ADGRA3: variants seen among roughly 807,000 people sequenced by gnomAD.
ADGRA3 encodes G-protein coupled receptor 125.
A neutral mutation model predicts 119.8 loss-of-function variants in ADGRA3; 56 were observed. The ratio of observed to expected loss-of-function variants is 0.47; its 90% confidence interval spans 0.38 to 0.58. The LOEUF (loss-of-function observed/expected upper bound fraction) is 0.58. ADGRA3 is among the 20% of genes least tolerant of loss of function. The probability of loss-of-function intolerance (pLI) is 0.00; values close to 1 mark genes in which losing one functional copy is unlikely to be tolerated. For synonymous variants in ADGRA3, 607 were observed against 623.8 expected (o/e 0.97, Z 0.40); for missense variants, 1,516 against 1,649.0 (o/e 0.92, Z 1.40).
chr4:22,403,671 G>C (rs1223673564), intron 14 of ADGRA3, among the ~76,000 whole-genome samples: 1 of 152,024 alleles, frequency 6.6e-6, no homozygotes, highest in Non-Finnish European at 1.5e-5. Context: ...GAGTCCAGGA[G>C]GTCAAGGCTG....
chr4:22,409,057 T>C (rs1468202453), intron 14 of ADGRA3, among the ~76,000 whole-genome samples: 15 of 152,148 alleles, frequency 9.9e-5, no homozygotes, highest in African/African-American at 3.1e-4. Flanking sequence ...AACCTATCTA[T>C]AGTGAGAGAC....
intron 17 of ADGRA3, 129 bp from the exon 18 acceptor site, chr4:22,389,312 G>C: frequency 1.5e-6 from 1 of 686,504 alleles, no homozygotes; most frequent in Non-Finnish European, 2.5e-6. Context: ...ATAATAAGCT[G>C]AGAGTTAAGT....
chr4:22,388,971 G>C, intron 18 of ADGRA3, 24 bp from the exon 19 acceptor site: 1 of 1,610,284 alleles, frequency 6.2e-7, no homozygotes, highest in East Asian at 2.2e-5. Flanking sequence ...TGGTAAACCA[G>C]ATCGATGCTA....
intron 4 of ADGRA3, among the ~76,000 whole-genome samples, chr4:22,448,779 G>A (rs57310135): frequency 0.013 from 1,926 of 152,118 alleles, 39 homozygotes; most frequent in African/African-American, 0.043. Flanking sequence ...TTTTTTGTAA[G>A]AAAAAGGCTG....
At chr4:22,402,850 A>C (rs1714729021) in intron 14 of ADGRA3, 51 bp from the exon 15 acceptor site, 1 of 1,555,672 alleles carries the variant, frequency 6.4e-7, no homozygotes, top group Non-Finnish European at 8.7e-7. Context: ...TCCACATTTA[A>C]CTACTGAGAT....
At chr4:22,439,159 CATA>C (rs1716514183) in intron 7 of ADGRA3, among the ~76,000 whole-genome samples, 1 of 152,090 alleles carries the variant, frequency 6.6e-6, no homozygotes, top group Admixed American at 6.6e-5. Context: ...TACGAATTTA[CATA>C]ATTAAGAAAA....
At chr4:22,411,358 C>T (rs1244089980) in intron 14 of ADGRA3, among the ~76,000 whole-genome samples, 1 of 152,048 alleles carries the variant, frequency 6.6e-6, no homozygotes, top group East Asian at 1.9e-4. Context: ...CAGCACTTTC[C>T]GAGCTTGAGG....
intron 2 of ADGRA3, among the ~76,000 whole-genome samples, chr4:22,468,975 A>G (rs759405167): frequency 6.6e-6 from 1 of 152,164 alleles, no homozygotes; most frequent in Non-Finnish European, 1.5e-5. Context: ...GTAGGCCAAC[A>G]GGGACTATTA....
chr4:22,440,541 A>G (rs1411654852), intron 7 of ADGRA3, among the ~76,000 whole-genome samples: 1 of 152,180 alleles, frequency 6.6e-6, no homozygotes, highest in Non-Finnish European at 1.5e-5. Flanking sequence ...CTTTAGTCAC[A>G]TGTCCCTACC....
At chr4:22,435,573 T>C (rs1716362032) in intron 9 of ADGRA3, 107 bp from the exon 10 acceptor site, 1 of 1,010,014 alleles carries the variant, frequency 9.9e-7, no homozygotes, top group South Asian at 2.3e-5. Flanking sequence ...AATTAAAAAC[T>C]TTATTATTTA....
chr4:22,388,231 ATTGAATGT>A lies in ADGRA3; in HGVS notation c.3432_3439del (p.Glu1144AspfsTer4). On this transcript the variant is annotated frameshift_variant, in exon 19 of 19. Transcript: ENST00000334304. LOFTEE classifies it low-confidence loss of function (END_TRUNC). ...CACGTGCATTTTAATATCATTGTCC[ATTGAATGT>A]TCTGTCAGACTATTATCAAGCTGAG... is the stretch of plus-strand genomic sequence containing the variant. 6.2e-7 allele frequency: 1 copy of A among 1,613,996 alleles called. No individual in the cohort carries two copies. Among genetic ancestry groups the A allele is most frequent in the East Asian group, 2.2e-5 (1 of 44,856 alleles).
At position 22,421,036 on chromosome 4, in the gene ADGRA3, C is replaced by T. The variant is rs780809068; in HGVS notation, c.1659G>A (p.Thr553=). 7 of 1,613,850 alleles carry T rather than the reference C, an allele frequency of 4.3e-6. No individual in the cohort carries two copies. The highest frequency in any genetic ancestry group is 2.7e-5 in the African/African-American group (2 of 74,876). ...TCTGGAACACGGTACAGGTCATCCC[C>T]GTGAAGCCAGTAGACTTGATGACAT... ...EAYVIKSTGF[T]GMTCTVFQKV... is the part of the protein sequence containing the mutation. The change falls in exon 12 of 19, where the codon ACG becomes ACA. Residue 553 remains threonine, a synonymous_variant. Coordinates refer to ENST00000334304, the MANE Select transcript of ADGRA3 (RefSeq NM_145290.4).
chr4:22,396,369 G>A (rs796280999), intron 16 of ADGRA3, among the ~76,000 whole-genome samples: 10 of 152,232 alleles, frequency 6.6e-5, no homozygotes, highest in African/African-American at 1.2e-4. Context: ...ATGTAAGCTC[G>A]CAAAGGGAAT....
intron 2 of ADGRA3, among the ~76,000 whole-genome samples, chr4:22,470,458 T>C (rs1339187780): frequency 6.6e-6 from 1 of 152,098 alleles, no homozygotes; most frequent in Non-Finnish European, 1.5e-5. Flanking sequence ...GCTCTTACTA[T>C]CTCAGCCCAC....
At position 22,391,406 on chromosome 4, in the gene ADGRA3, A is replaced by C. The variant is rs1206342282; in HGVS notation, c.2627+1139T>G. 1.6e-4 allele frequency among the ~76,000 whole-genome samples: 24 copies of C among 152,088 alleles called. 1 individual carries two copies. Among genetic ancestry groups the C allele is most frequent in the Admixed American group, 1.6e-3 (24 of 15,248 alleles). On this transcript the variant is annotated intron_variant, in intron 17 of 18. Coordinates refer to ENST00000334304, the MANE Select transcript of ADGRA3 (RefSeq NM_145290.4). Reference sequence around the variant, plus strand: ...GGCACGCTAGCTAGCTAGAATAGACAACTTGCAGCCATCTTCAAATTTCTC... The same window carrying C: ...GGCACGCTAGCTAGCTAGAATAGACCACTTGCAGCCATCTTCAAATTTCTC...
chr4:22,431,872 G>C (rs546520617), intron 10 of ADGRA3, among the ~76,000 whole-genome samples: 22 of 152,100 alleles, frequency 1.4e-4, no homozygotes, highest in African/African-American at 5.3e-4. Flanking sequence ...TGGAAGTTTG[G>C]TGACATTTTT....
Position 22,392,605 on chromosome 4 carries a change from T to G in ADGRA3, c.2567A>C (p.Lys856Thr), listed in dbSNP as rs1304493575. 4.3e-6 allele frequency: 7 copies of G among 1,613,954 alleles called. No homozygotes were observed. Among genetic ancestry groups the G allele is most frequent in the Non-Finnish European group, 5.9e-6 (7 of 1,179,930 alleles). The change falls in exon 17 of 19, where the codon AAA becomes ACA. Residue 856 changes from lysine to threonine, a missense_variant. Physicochemically the swap from Lys to Thr is moderately conservative, Grantham distance 78. Transcript: ENST00000334304. ...TARNIYKQVT[K>T]KAKRCQDPDE... ...AGGATCCTGGCATCTTTTAGCTTTT[T>G]TAGTGACTTGTTTGTAGATATTTCG... is the stretch of plus-strand genomic sequence containing the variant.
intron 1 of ADGRA3, among the ~76,000 whole-genome samples, chr4:22,501,924 A>AT (rs11399317): frequency 0.91 from 136,525 of 150,608 alleles, 61,932 homozygotes; most frequent in East Asian, 0.99. Flanking sequence ...CGAATGTGTA[A>AT]TTTTTTTTTT....
chr4:22,473,294 C>A (rs1191529251), intron 2 of ADGRA3: 1 of 152,624 alleles, frequency 6.6e-6, no homozygotes, highest in East Asian at 1.9e-4. Flanking sequence ...TCAGGTATTT[C>A]TCTATAGCAA....
Sources: allele counts gnomAD v4.1 joint callset (sites outside exome capture counted in the v4.1 genomes callset), GRCh38; gene constraint gnomAD v4.1.1; transcripts MANE v1.5; gene names NCBI Gene and HGNC (gene_info 2026-07-23, HGNC 2026-07-21).